Variants in AKAIN1 observed in about 807,000 individuals in gnomAD.
AKAIN1 encodes A-kinase anchor protein inhibitor 1.
AKAIN1 carries 3 observed loss-of-function variants against 3.7 expected under a neutral mutation model. That is an observed-to-expected ratio of 0.82 (90% confidence interval 0.37 to 2.12). The LOEUF (loss-of-function observed/expected upper bound fraction) is 2.12, where lower values mean the gene tolerates loss of function less well. Among genes scored for constraint, AKAIN1 ranks in the 30% most tolerant of loss-of-function variants. The pLI, the probability that AKAIN1 is intolerant of heterozygous loss-of-function variation, is 0.06. For missense variants in AKAIN1, 82 were observed against 82.7 expected (o/e 0.99, Z 0.03); for synonymous variants, 31 against 30.8 (o/e 1.01, Z -0.02).
At chr18:5,170,520 C>T (rs926255879) in intron 1 of AKAIN1, 1 of 152,130 alleles carries the variant, frequency 6.6e-6, no homozygotes, top group Non-Finnish European at 1.5e-5. Flanking sequence ...AGTGTACAGT[C>T]CCCTGGCACA....
At position 5,145,269 on chromosome 18, in the gene AKAIN1, CT is replaced by C. The variant is rs2071041994; in HGVS notation, c.*292del. 1 of 266,722 alleles carries C rather than the reference CT, an allele frequency of 3.7e-6. No individual in the cohort carries two copies. Among genetic ancestry groups the C allele is most frequent in the Non-Finnish European group, 7.1e-6 (1 of 140,742 alleles). The allele number at this position is 266,722 out of a possible 1,614,324, so 16.5% of individuals were successfully genotyped here. ...AAGTAAATAAACGAGACATAGAATT[CT>C]TTTTTTCAAATAAAAGAACTTTAAA... is the stretch of plus-strand genomic sequence containing the variant. On this transcript the variant is annotated 3_prime_UTR_variant, in exon 2 of 2. Transcript: ENST00000434239.
At chr18:5,162,561 G>A (rs148541884) in intron 1 of AKAIN1, among the ~76,000 whole-genome samples, 1 of 151,720 alleles carries the variant, frequency 6.6e-6, no homozygotes, top group African/African-American at 2.4e-5. Context: ...GAAATGCCTA[G>A]GATGAATATA....
intron 1 of AKAIN1, among the ~76,000 whole-genome samples, chr18:5,150,808 A>G (rs1312265064): frequency 6.6e-6 from 1 of 152,220 alleles, no homozygotes; most frequent in African/African-American, 2.4e-5. Context: ...TTTCTTATGT[A>G]TAAGTATTAA....
intron 1 of AKAIN1, among the ~76,000 whole-genome samples, chr18:5,164,951 G>A (rs749203068): frequency 6.6e-6 from 1 of 151,914 alleles, no homozygotes; most frequent in East Asian, 1.9e-4. Context: ...TATATCTAAA[G>A]GTAACTGAAT....
chr18:5,152,329 A>G (rs1598305005), intron 1 of AKAIN1, among the ~76,000 whole-genome samples: 2 of 152,150 alleles, frequency 1.3e-5, no homozygotes, highest in Admixed American at 6.5e-5. Flanking sequence ...GTGGATGCCA[A>G]CCCACACAGA....
At chr18:5,165,538 G>C (rs986505516) in intron 1 of AKAIN1, among the ~76,000 whole-genome samples, 6 of 151,992 alleles carry the variant, frequency 3.9e-5, no homozygotes, top group Non-Finnish European at 8.8e-5. Flanking sequence ...CAAAGCAAAT[G>C]CTCAGGATTC....
rs141176604 is a variant in AKAIN1, at chr18:5,146,061, G to A, written c.17-306C>T. On this transcript the variant is annotated intron_variant, in intron 1 of 1. Transcript: ENST00000434239. ...ATACCTAATATAATATAAATGTAAT[G>A]TAAATAGTTGTTATACTATATTTTA... is the stretch of plus-strand genomic sequence containing the variant. Among the ~76,000 whole-genome samples the A allele has an allele frequency of 4.8e-3, 732 of 152,278 alleles. 5 individuals are homozygous for A. The highest frequency in any genetic ancestry group is 8.7e-3 in the Non-Finnish European group (594 of 68,024).
intron 1 of AKAIN1, among the ~76,000 whole-genome samples, chr18:5,149,010 C>A (rs1408774847): frequency 2.0e-5 from 3 of 152,258 alleles, no homozygotes; most frequent in South Asian, 4.2e-4. Context: ...TGCAGCAGGA[C>A]AAATGCGAAA....
At chr18:5,181,491 C>T (rs1353834119) in intron 1 of AKAIN1, among the ~76,000 whole-genome samples, 1 of 152,090 alleles carries the variant, frequency 6.6e-6, no homozygotes, top group Non-Finnish European at 1.5e-5. Context: ...ACATGTGATA[C>T]ATGTGGCACA....
intron 1 of AKAIN1, among the ~76,000 whole-genome samples, chr18:5,184,350 C>T (rs763307604): frequency 6.6e-6 from 1 of 151,978 alleles, no homozygotes; most frequent in East Asian, 1.9e-4. Context: ...CCAGAACAAT[C>T]GGCAAAAGAA....
intron 1 of AKAIN1, among the ~76,000 whole-genome samples, chr18:5,151,727 T>C (rs1567871508): frequency 6.6e-6 from 1 of 152,220 alleles, no homozygotes; most frequent in Non-Finnish European, 1.5e-5. Flanking sequence ...AGCCAGCTAC[T>C]CTTATAAATT....
chr18:5,179,050 C>T lies in AKAIN1; in HGVS notation c.16+17988G>A, dbSNP rs117515078. On this transcript the variant is annotated intron_variant, in intron 1 of 1. Transcript: ENST00000434239. ...AAAACATGTCTAACCATGCTCAAAG[C>T]ACCATTTTTTAAAATCGACTAAGGA... 8.5e-3 allele frequency among the ~76,000 whole-genome samples: 1,296 copies of T among 152,218 alleles called. 14 individuals carry two copies. The highest frequency in any genetic ancestry group is 0.034 in the Middle Eastern group (10 of 294).
At chr18:5,147,759 C>T (rs765560068) in intron 1 of AKAIN1, among the ~76,000 whole-genome samples, 4 of 152,062 alleles carry the variant, frequency 2.6e-5, no homozygotes, top group South Asian at 2.1e-4. Flanking sequence ...CTATTGAGAG[C>T]GAAGAACAAT....
chr18:5,193,386 A>G (rs2071332306), intron 1 of AKAIN1, among the ~76,000 whole-genome samples: 1 of 152,230 alleles, frequency 6.6e-6, no homozygotes, highest in Non-Finnish European at 1.5e-5. Flanking sequence ...CACAAGAAAG[A>G]TAGACTAATC....
intron 1 of AKAIN1, among the ~76,000 whole-genome samples, chr18:5,191,338 A>G (rs1274290767): frequency 1.3e-5 from 2 of 152,208 alleles, no homozygotes; most frequent in African/African-American, 4.8e-5. Context: ...AAATTGAACC[A>G]TACATAGTAT....
chr18:5,195,349 G>T lies in AKAIN1; in HGVS notation c.16+1689C>A, dbSNP rs74856055. Reference sequence around the variant, plus strand: ...CAGTCTACTCCAGAAATTCCCCACTGTTCATTACAGTGGCCATCACTCACG... The same window carrying T: ...CAGTCTACTCCAGAAATTCCCCACTTTTCATTACAGTGGCCATCACTCACG... On this transcript the variant is annotated intron_variant, in intron 1 of 1. Transcript: ENST00000434239. 4.6e-3 allele frequency among the ~76,000 whole-genome samples: 705 copies of T among 152,242 alleles called. 5 individuals carry two copies. The highest frequency in any genetic ancestry group is 0.016 in the African/African-American group (667 of 41,546).
chr18:5,149,002 C>T (rs1245145761), intron 1 of AKAIN1, among the ~76,000 whole-genome samples: 1 of 152,174 alleles, frequency 6.6e-6, no homozygotes, highest in African/African-American at 2.4e-5. Context: ...TATATACTTG[C>T]AGCAGGACAA....
intron 1 of AKAIN1, among the ~76,000 whole-genome samples, chr18:5,195,391 A>C (rs1473074042): frequency 1.3e-5 from 2 of 152,174 alleles, no homozygotes; most frequent in Admixed American, 1.3e-4. Context: ...CTTTTAGAAA[A>C]TGCCTAGTTA....
At chr18:5,175,420 A>G (rs2071220767) in intron 1 of AKAIN1, among the ~76,000 whole-genome samples, 1 of 152,152 alleles carries the variant, frequency 6.6e-6, no homozygotes, top group Non-Finnish European at 1.5e-5. Flanking sequence ...AGGAAACATA[A>G]ACAACGAAGG....
Sources: allele counts gnomAD v4.1 joint callset (sites outside exome capture counted in the v4.1 genomes callset), GRCh38; gene constraint gnomAD v4.1.1; transcripts MANE v1.5; gene names NCBI Gene and HGNC (gene_info 2026-07-23, HGNC 2026-07-21).